The following PLCG2 variants were observed in gnomAD, a reference collection of about 807,000 sequenced individuals.
PLCG2 encodes the protein 1-phosphatidylinositol 4,5-bisphosphate phosphodiesterase gamma-2.
Under a neutral mutation model 175.6 loss-of-function variants are expected in PLCG2, and 69 were observed. That is an observed-to-expected ratio of 0.39 (90% CI 0.32 to 0.48). PLCG2 has a LOEUF of 0.48. Among genes scored for constraint, PLCG2 ranks in the 20% least tolerant of loss-of-function variants. The pLI, the probability that PLCG2 is intolerant of heterozygous loss-of-function variation, is 0.91. For missense variants in PLCG2, 1,798 were observed against 1,650.9 expected, an observed-to-expected ratio of 1.09 and a Z score of -1.54; for synonymous variants, 827 against 624.0, an observed-to-expected ratio of 1.33 and a Z score of -4.85.
At chr16:81,813,503 T>G (rs1904407916) in intron 2 of PLCG2, among the ~76,000 whole-genome samples, 1 of 152,346 alleles carries the variant, frequency 6.6e-6, no homozygotes, top group South Asian at 2.1e-4. Flanking sequence ...GGTTGTGATT[T>G]TTGCACATTG....
At chr16:81,740,873 C>A (rs541204777) in intron 1 of PLCG2, among the ~76,000 whole-genome samples, 14 of 152,038 alleles carry the variant, frequency 9.2e-5, no homozygotes, top group South Asian at 4.1e-4. Context: ...TGAAACCAAC[C>A]CATTGAGGGT....
intron 19 of PLCG2, among the ~76,000 whole-genome samples, chr16:81,913,269 A>G (rs1167670784): frequency 6.6e-6 from 1 of 152,160 alleles, no homozygotes; most frequent in Non-Finnish European, 1.5e-5. Context: ...CCATCTCCCC[A>G]GCCCCAGGGT....
At chr16:81,786,784 T>G (rs1250863883) in intron 2 of PLCG2, among the ~76,000 whole-genome samples, 1 of 152,246 alleles carries the variant, frequency 6.6e-6, no homozygotes, top group African/African-American at 2.4e-5. Flanking sequence ...GTAAAGGCAC[T>G]TAAGCAATTT....
intron 2 of PLCG2, among the ~76,000 whole-genome samples, chr16:81,838,707 A>G (rs1160616391): frequency 1.3e-5 from 2 of 151,728 alleles, no homozygotes; most frequent in African/African-American, 4.8e-5. Flanking sequence ...GCAAGCCACC[A>G]TGGCACAGGT....
chr16:81,763,667 A>G (rs1910085782), intron 2 of PLCG2, among the ~76,000 whole-genome samples: 1 of 152,194 alleles, frequency 6.6e-6, no homozygotes, highest in African/African-American at 2.4e-5. Flanking sequence ...TGAGGCAGCT[A>G]TAAAAAGTTA....
chr16:81,760,284 C>G (rs2143085089), intron 2 of PLCG2, among the ~76,000 whole-genome samples: 1 of 152,292 alleles, frequency 6.6e-6, no homozygotes, highest in East Asian at 1.9e-4. Flanking sequence ...ACTGCCAGGA[C>G]TGGGCACAGA....
intron 2 of PLCG2, among the ~76,000 whole-genome samples, chr16:81,829,352 G>C (rs912998230): frequency 1.3e-5 from 2 of 152,098 alleles, no homozygotes; most frequent in African/African-American, 2.4e-5. Context: ...CAGGTGATCT[G>C]CCCGCCTCGG....
chr16:81,753,438 A>T (rs1295681880), intron 1 of PLCG2, among the ~76,000 whole-genome samples: 8 of 111,380 alleles, frequency 7.2e-5, no homozygotes, highest in Admixed American at 1.2e-4. Context: ...TTTTTTTTTG[A>T]GATGGAGTCT....
At chr16:81,888,137 C>T (rs187975423) in intron 9 of PLCG2, among the ~76,000 whole-genome samples, 7 of 152,278 alleles carry the variant, frequency 4.6e-5, no homozygotes, top group Non-Finnish European at 7.4e-5. Flanking sequence ...AAATGACTTG[C>T]GGAGTTGTGT....
intron 30 of PLCG2, among the ~76,000 whole-genome samples, chr16:81,940,931 T>C (rs570053019): frequency 1.4e-3 from 209 of 152,354 alleles, no homozygotes; most frequent in African/African-American, 4.8e-3. Flanking sequence ...TTAGTATTTC[T>C]GATGCATGGT....
chr16:81,866,664 C>G (rs1179731093), intron 5 of PLCG2, among the ~76,000 whole-genome samples: 5 of 127,958 alleles, frequency 3.9e-5, no homozygotes, highest in East Asian at 2.5e-4. Context: ...CACTGGGGCA[C>G]CAGCGTGAGA....
At chr16:81,874,431 C>T (rs1433050675) in intron 7 of PLCG2, among the ~76,000 whole-genome samples, 2 of 152,202 alleles carry the variant, frequency 1.3e-5, no homozygotes, top group Non-Finnish European at 2.9e-5. Flanking sequence ...ATTTGAATAA[C>T]AAAGTCCCAA....
chr16:81,813,049 C>T lies in PLCG2; in HGVS notation c.193+26867C>T, dbSNP rs190400904. ...AATGGTCTGTATATCTATTTTGGTACCAGTACCATGCTGTTTTGTTGACCA... is the reference window on the plus strand; with the variant it reads ...AATGGTCTGTATATCTATTTTGGTATCAGTACCATGCTGTTTTGTTGACCA... On this transcript the variant is annotated intron_variant, in intron 2 of 32. Transcript: ENST00000564138. Among the ~76,000 whole-genome samples the T allele has an allele frequency of 5.3e-5, 8 of 152,274 alleles. No homozygotes were observed. The East Asian group carries it at 1.4e-3, about 26-fold the overall frequency.
chr16:81,904,212 T>C (rs138595663), intron 14 of PLCG2, among the ~76,000 whole-genome samples: 16 of 152,338 alleles, frequency 1.1e-4, no homozygotes, highest in South Asian at 6.2e-4. Context: ...TTGACACTTA[T>C]CTTTCACGTT....
chr16:81,802,093 C>CTTTTTTTTTTTT lies in PLCG2; in HGVS notation c.193+15938_193+15949dup, dbSNP rs1157731599. 2.3e-3 allele frequency among the ~76,000 whole-genome samples: 92 copies of CTTTTTTTTTTTT among 40,016 alleles called. 30 individuals are homozygous for CTTTTTTTTTTTT. Among genetic ancestry groups the CTTTTTTTTTTTT allele is most frequent in the East Asian group, 3.9e-3 (3 of 760 alleles). The allele number at this position is 40,016 out of a possible 152,430, so 26.3% of individuals were successfully genotyped here. A position where few individuals can be genotyped will look rare whatever the true frequency, so the allele number is the denominator to read the frequency against. ...GTTAGCTCCTTCAGGTGAGTACAGT[C>CTTTTTTTTTTTT]TTTTTTTTTTTTTTTTTTTTTTTTT... On this transcript the variant is annotated intron_variant, in intron 2 of 32. Transcript: ENST00000564138.
intron 2 of PLCG2, among the ~76,000 whole-genome samples, chr16:81,851,407 G>T (rs1906401905): frequency 1.3e-5 from 2 of 152,286 alleles, no homozygotes; most frequent in South Asian, 4.1e-4. Flanking sequence ...TTGGTGTGTA[G>T]TTCTACGAAA....
At chr16:81,928,419 A>C in intron 23 of PLCG2, 139 bp from the exon 24 acceptor site, 1 of 644,198 alleles carries the variant, frequency 1.6e-6, no homozygotes. Flanking sequence ...CTCTCTCCCC[A>C]TGGACGTATC....
chr16:81,881,808 TG>T (rs1908094068), intron 8 of PLCG2, among the ~76,000 whole-genome samples: 1 of 135,976 alleles, frequency 7.4e-6, no homozygotes, highest in African/African-American at 2.6e-5. Flanking sequence ...GTCCAGCTAT[TG>T]TTTTTTTTTT....
intron 2 of PLCG2, among the ~76,000 whole-genome samples, chr16:81,840,345 A>G (rs1010177231): frequency 6.6e-6 from 1 of 152,212 alleles, no homozygotes; most frequent in Non-Finnish European, 1.5e-5. Context: ...TTTGTGGAAG[A>G]TAACTTTTCC....
Sources: allele counts gnomAD v4.1 joint callset (sites outside exome capture counted in the v4.1 genomes callset), GRCh38; gene constraint gnomAD v4.1.1; transcripts MANE v1.5; gene names NCBI Gene and HGNC (gene_info 2026-07-23, HGNC 2026-07-21).